Variants in USP19 observed in about 807,000 individuals in gnomAD.
The protein encoded by USP19 is ubiquitin specific peptidase 19.
Under a neutral mutation model 144.8 loss-of-function variants are expected in USP19, and 40 were observed. The ratio of observed to expected loss-of-function variants is 0.28; its 90% confidence interval spans 0.21 to 0.36. The LOEUF (loss-of-function observed/expected upper bound fraction) is 0.36, where lower values mean the gene tolerates loss of function less well. Ranked by LOEUF, USP19 falls within the 10% of genes least tolerant of loss-of-function variation. USP19 has a pLI of 1.00. For missense variants in USP19, 1,518 were observed against 1,822.5 expected, an observed-to-expected ratio of 0.83 and a Z score of 3.04; for synonymous variants, 701 against 709.3, an observed-to-expected ratio of 0.99 and a Z score of 0.19.
chr3:49,111,717 G>A lies in USP19; in HGVS notation c.3000C>T (p.Ser1000=). 1 of 1,584,614 alleles carries A rather than the reference G, an allele frequency of 6.3e-7. No individual in the cohort carries two copies. ...PGCTTLLSTG[S]LEAGDSERDP... is the part of the protein sequence containing the mutation. ...CTCTCTCGCTGTCCCCAGCCTCCAG[G>A]GAACCTGTGGAGAGCAGTGTGGTGC... is the stretch of plus-strand genomic sequence containing the variant. Residue 1000 remains serine, a synonymous_variant, in exon 21 of 27, where the codon TCC becomes TCT. Coordinates refer to ENST00000417901, the MANE Select transcript of USP19 (RefSeq NM_001199161.2). This position sits in a 1 kb window ranked among gnomAD's most constrained non-coding sequence, Gnocchi z 5.9.
At position 49,116,369 on chromosome 3, in the gene USP19, G is replaced by A. The variant is rs1283776837; in HGVS notation, c.1284-18C>T. ...TTCCATCCCTGCAGAGGCACAGCAG[G>A]ATAGGAGGAAGGACAAGAGGAAGAG... On this transcript the variant is annotated intron_variant, in intron 8 of 26. Transcript: ENST00000417901. This position sits in a 1 kb window ranked among gnomAD's most constrained non-coding sequence, Gnocchi z 5.0. 1.9e-6 allele frequency: 3 copies of A among 1,614,112 alleles called. No individual in the cohort carries two copies. Among genetic ancestry groups the A allele is most frequent in the East Asian group, 2.2e-5 (1 of 44,880 alleles).
chr3:49,108,680 T>C lies in USP19; in HGVS notation c.4039-152A>G. 7.7e-7 allele frequency: 1 copy of C among 1,306,664 alleles called. No individual in the cohort carries two copies. The highest frequency in any genetic ancestry group is 9.7e-7 in the Non-Finnish European group (1 of 1,028,830). 80.9% of individuals were successfully genotyped at this position (1,306,664 alleles called of 1,614,324 possible). A position where few individuals can be genotyped will look rare whatever the true frequency, so the allele number is the denominator to read the frequency against. On this transcript the variant is annotated intron_variant, in intron 26 of 26. Coordinates refer to ENST00000417901, the MANE Select transcript of USP19 (RefSeq NM_001199161.2). The surrounding 1 kb of genome is among the most constrained non-coding windows in gnomAD (Gnocchi z 4.8). Reference sequence around the variant, plus strand: ...TGAGACAGAGAGACGAGATTGGGCCTGAATAGTCTGGTTTTATTAACACTT... The same window carrying C: ...TGAGACAGAGAGACGAGATTGGGCCCGAATAGTCTGGTTTTATTAACACTT...
chr3:49,119,672 G>A (rs1399603617), intron 1 of USP19, among the ~76,000 whole-genome samples: 1 of 152,208 alleles, frequency 6.6e-6, no homozygotes, highest in African/African-American at 2.4e-5. Flanking sequence ...CACCACTGGA[G>A]AAATAGAAGG....
In USP19 at chr3:49,111,844, C is replaced by G. The variant is rs761567667; in HGVS notation, c.2904-31G>C. 6.3e-7 allele frequency: 1 copy of G among 1,593,236 alleles called. No individual in the cohort carries two copies. Among genetic ancestry groups the G allele is most frequent in the Non-Finnish European group, 8.6e-7 (1 of 1,168,384 alleles). ...AACAGAGAACAACGCAAGTAAGACT[C>G]CTGACCAGCCCATCTAGCACCTCTG... On this transcript the variant is annotated intron_variant, in intron 20 of 26. Transcript: ENST00000417901. This position sits in a 1 kb window ranked among gnomAD's most constrained non-coding sequence, Gnocchi z 5.9.
In USP19 at chr3:49,111,051, A is replaced by T; in HGVS notation, c.3444T>A (p.Asp1148Glu). Reference protein sequence around the residue: ...VASKELECAEDPGSAGEAARA... With the variant: ...VASKELECAEEPGSAGEAARA... ...GGGCAGCCTCACCGGCAGAGCCTGG[A>T]TCCTCAGCACATTCCAGCTCCTTGG... is the stretch of plus-strand genomic sequence containing the variant. The change falls in exon 23 of 27, where the codon GAT becomes GAA. Residue 1148 changes from aspartate to glutamate, a missense_variant. Asp to Glu is a conservative substitution (Grantham distance 45). Transcript: ENST00000417901. This position sits in a 1 kb window ranked among gnomAD's most constrained non-coding sequence, Gnocchi z 5.9. 1 of 1,614,046 alleles carries T rather than the reference A, an allele frequency of 6.2e-7. No homozygotes were observed. The highest frequency in any genetic ancestry group is 1.7e-5 in the Admixed American group (1 of 60,028).
At chr3:49,113,882 C>G (rs2043618353) in intron 17 of USP19, 110 bp downstream of exon 17, 2 of 1,197,496 alleles carry the variant, frequency 1.7e-6, no homozygotes, top group African/African-American at 3.0e-5. Context: ...GCATGAGCCA[C>G]TGTGCCCAGC....
In USP19 at chr3:49,116,326, G is replaced by C; in HGVS notation, c.1309C>G (p.Pro437Ala). Residue 437 changes from proline to alanine, a missense_variant, in exon 9 of 27, where the codon CCG becomes GCG. Transcript: ENST00000417901. The surrounding 1 kb of genome is among the most constrained non-coding windows in gnomAD (Gnocchi z 5.0). The stretch of plus-strand genomic sequence containing the variant: ...AAGGTGGTGTGGGGCCCACAGCCCG[G>C]GTGCAGCCTCAGGAAGTTTCCATCC... ...TRDGNFLRLH[P>A]GCGPHTTFRW... is the part of the protein sequence containing the mutation. 6.2e-7 allele frequency: 1 copy of C among 1,614,032 alleles called. No individual in the cohort carries two copies. Among genetic ancestry groups the C allele is most frequent in the Non-Finnish European group, 8.5e-7 (1 of 1,180,024 alleles).
chr3:49,112,138 T>G lies in USP19; in HGVS notation c.2766-90A>C. ...CTAGTCATAGTCCCTGGGAACTGGG[T>G]ACGCCAGCCCTGCCTCCCCCAGAGC... On this transcript the variant is annotated intron_variant, in intron 19 of 26. Coordinates refer to ENST00000417901, the MANE Select transcript of USP19 (RefSeq NM_001199161.2). The surrounding 1 kb of genome is among the most constrained non-coding windows in gnomAD (Gnocchi z 4.9). 6.4e-7 allele frequency: 1 copy of G among 1,561,790 alleles called. No homozygotes were observed. The highest frequency in any genetic ancestry group is 1.2e-5 in the South Asian group (1 of 84,194).
At position 49,111,622 on chromosome 3, in the gene USP19, A is replaced by G; in HGVS notation, c.3095T>C (p.Val1032Ala). Residue 1032 changes from valine to alanine, a missense_variant, in exon 21 of 27, where the codon GTG (valine) becomes GCG (alanine). Val to Ala is a moderately conservative substitution (Grantham distance 64, BLOSUM62 0). Around this residue, in one of 5 missense-constraint regions of USP19, gnomAD observed 413 missense variants for 515.8 expected, o/e 0.80. Transcript: ENST00000417901. This position sits in a 1 kb window ranked among gnomAD's most constrained non-coding sequence, Gnocchi z 5.9. Reference sequence around the variant, plus strand: ...AGGACCCCGGTCAGGGGCTGCCCACACCCGGGGAAGCCCTGTGTCCCCCTC... The same window carrying G: ...AGGACCCCGGTCAGGGGCTGCCCACGCCCGGGGAAGCCCTGTGTCCCCCTC... ...MAEGDTGLPR[V>A]WAAPDRGPVP... The G allele has an allele frequency of 6.2e-7, 1 of 1,609,196 alleles. No individual in the cohort carries two copies. Among genetic ancestry groups the G allele is most frequent in the South Asian group, 1.1e-5 (1 of 90,572 alleles).
chr3:49,111,025 C>A lies in USP19; in HGVS notation c.3470G>T (p.Arg1157Leu). ...EDPGSAGEAA[R>L]AGHFTLDQCL... ...CTGGTCCAGGGTGAAGTGGCCGGCC[C>A]GGGCAGCCTCACCGGCAGAGCCTGG... Residue 1157 changes from arginine to leucine, a missense_variant, in exon 23 of 27, where the codon CGG becomes CTG. Transcript: ENST00000417901. This position sits in a 1 kb window ranked among gnomAD's most constrained non-coding sequence, Gnocchi z 5.9. 6.2e-7 allele frequency: 1 copy of A among 1,613,972 alleles called. No individual in the cohort carries two copies. Among genetic ancestry groups the A allele is most frequent in the South Asian group, 1.1e-5 (1 of 91,086 alleles).
At chr3:49,109,218 G>C in intron 26 of USP19, 1 of 1,452,876 alleles carries the variant, frequency 6.9e-7, no homozygotes, top group Non-Finnish European at 9.1e-7. Flanking sequence ...TCAGCACCCC[G>C]GGGGTGGGGA....
At position 49,110,592 on chromosome 3, in the gene USP19, C is replaced by G. The variant is rs988432151; in HGVS notation, c.3711G>C (p.Leu1237=). Reference sequence around the variant, plus strand: ...CTTTCTGACCAATGCAGAACTTGCTCAGGTCCAGGTTCCTGCAGGTCAGGT... The same window carrying G: ...CTTTCTGACCAATGCAGAACTTGCTGAGGTCCAGGTTCCTGCAGGTCAGGT... ...LVEFPVRNLD[L]SKFCIGQKEE... is the part of the protein sequence containing the mutation. The change falls in exon 25 of 27, where the codon CTG becomes CTC. Residue 1237 remains leucine, a synonymous_variant. Coordinates refer to ENST00000417901, the MANE Select transcript of USP19 (RefSeq NM_001199161.2). This position sits in a 1 kb window ranked among gnomAD's most constrained non-coding sequence, Gnocchi z 6.1. 1 of 1,613,890 alleles carries G rather than the reference C, an allele frequency of 6.2e-7. No individual in the cohort carries two copies. Among genetic ancestry groups the G allele is most frequent in the Non-Finnish European group, 8.5e-7 (1 of 1,179,996 alleles).
rs1268830356 is a variant in USP19 at position 49,112,239 on chromosome 3, T to C, written c.2765+45A>G. On this transcript the variant is annotated intron_variant, in intron 19 of 26. Coordinates refer to ENST00000417901, the MANE Select transcript of USP19 (RefSeq NM_001199161.2). This position sits in a 1 kb window ranked among gnomAD's most constrained non-coding sequence, Gnocchi z 4.9. Reference sequence around the variant, plus strand: ...TGAAGGGAAGGAGCAGGGTGGCACATGGAAGGTGGAAAGAAAGGGTAGGGG... The same window carrying C: ...TGAAGGGAAGGAGCAGGGTGGCACACGGAAGGTGGAAAGAAAGGGTAGGGG... 2 of 1,572,190 alleles carry C rather than the reference T, an allele frequency of 1.3e-6. No homozygotes were observed. The highest frequency in any genetic ancestry group is 1.7e-6 in the Non-Finnish European group (2 of 1,158,882).
In USP19 at chr3:49,111,892, C is replaced by G. The variant is rs757544790; in HGVS notation, c.2903+19G>C. The G allele has an allele frequency of 2.5e-6, 4 of 1,613,402 alleles. No homozygotes were observed. The highest frequency in any genetic ancestry group is 1.3e-5 in the African/African-American group (1 of 74,936). ...CTGCCCCCACCTACACCACTCTAGT[C>G]CAACCACTGGGCACTTACCGGGCAT... On this transcript the variant is annotated intron_variant, in intron 20 of 26. Coordinates refer to ENST00000417901, the MANE Select transcript of USP19 (RefSeq NM_001199161.2). This position sits in a 1 kb window ranked among gnomAD's most constrained non-coding sequence, Gnocchi z 5.9.
Position 49,108,433 on chromosome 3 carries a change from G to T in USP19, c.4134C>A (p.Ser1378Arg). The T allele has an allele frequency of 7.2e-7, 1 of 1,389,856 alleles. No homozygotes were observed. Among genetic ancestry groups the T allele is most frequent in the Non-Finnish European group, 9.4e-7 (1 of 1,058,586 alleles). 86.1% of individuals were successfully genotyped at this position (1,389,856 alleles called of 1,614,324 possible). ...CCTGCTAATCCACCTCCTCCATGTT[G>T]CTGTAGGTGGGGGCTGGCCGATCCA... The part of the protein sequence containing the change: ...PPVDRPAPTY[S>R]NMEEVD The change falls in exon 27 of 27, where the codon AGC (serine) becomes AGA (arginine). Residue 1378 changes from serine (S) to arginine (R), a missense_variant. Ser to Arg is a moderately radical substitution (Grantham distance 110). Coordinates refer to ENST00000417901, the MANE Select transcript of USP19 (RefSeq NM_001199161.2). The surrounding 1 kb of genome is among the most constrained non-coding windows in gnomAD (Gnocchi z 4.8).
Position 49,108,590 on chromosome 3 carries a change from G to A in USP19, c.4039-62C>T. ...CCAGCATGCCGCCTGGCATCCCGGGGGTGCTGGCTTGGAGCCCTGGCACCC... is the reference window on the plus strand; with the variant it reads ...CCAGCATGCCGCCTGGCATCCCGGGAGTGCTGGCTTGGAGCCCTGGCACCC... On this transcript the variant is annotated intron_variant, in intron 26 of 26. Coordinates refer to ENST00000417901, the MANE Select transcript of USP19 (RefSeq NM_001199161.2). The surrounding 1 kb of genome is among the most constrained non-coding windows in gnomAD (Gnocchi z 4.8). 10 of 1,262,798 alleles carry A rather than the reference G, an allele frequency of 7.9e-6. No homozygotes were observed. Among genetic ancestry groups the A allele is most frequent in the Non-Finnish European group, 1.0e-5 (10 of 994,540 alleles). 78.2% of individuals were successfully genotyped at this position (1,262,798 alleles called of 1,614,324 possible).
chr3:49,117,602 T>C lies in USP19; in HGVS notation c.473-32A>G, dbSNP rs368364969. On this transcript the variant is annotated intron_variant, in intron 4 of 26. Coordinates refer to ENST00000417901, the MANE Select transcript of USP19 (RefSeq NM_001199161.2). This position sits in a 1 kb window ranked among gnomAD's most constrained non-coding sequence, Gnocchi z 4.4. ...ACAGAGCAGGGTCCATGAGGTAGGA[T>C]AGGAGATATCAGAAGATTCAAACAT... The C allele has an allele frequency of 2.7e-5, 44 of 1,613,980 alleles. No individual in the cohort carries two copies. The highest frequency in any genetic ancestry group is 1.9e-4 in the African/African-American group (14 of 75,010).
rs1380928236 is a variant in USP19 at position 49,111,084 on chromosome 3, C to T, written c.3411G>A (p.Leu1137=). Residue 1137 remains leucine, a synonymous_variant, in exon 23 of 27, where the codon TTG becomes TTA. Coordinates refer to ENST00000417901, the MANE Select transcript of USP19 (RefSeq NM_001199161.2). The surrounding 1 kb of genome is among the most constrained non-coding windows in gnomAD (Gnocchi z 5.9). Reference sequence around the variant, plus strand: ...CACATTCCAGCTCCTTGGAGGCTACCAACACAAACTCCTGCAAGCGCTCAT... The same window carrying T: ...CACATTCCAGCTCCTTGGAGGCTACTAACACAAACTCCTGCAAGCGCTCAT... ...RNNERLQEFV[L]VASKELECAE... is the part of the protein sequence containing the mutation. 3.1e-6 allele frequency: 5 copies of T among 1,613,988 alleles called. No individual in the cohort carries two copies. The highest frequency in any genetic ancestry group is 4.2e-6 in the Non-Finnish European group (5 of 1,180,020).
rs765944281 is a variant in USP19, at chr3:49,111,355, A to G, written c.3228T>C (p.Pro1076=). The G allele has an allele frequency of 6.2e-7, 1 of 1,614,140 alleles. No individual in the cohort carries two copies. The highest frequency in any genetic ancestry group is 8.5e-7 in the Non-Finnish European group (1 of 1,180,028). ...TAGCTTCACTTGGATGCTGGTACCC[A>G]GGCACAGCAGCTGTGTGAGAACATG... The part of the protein sequence containing the change: ...ERVSRPEAAV[P]GYQHPSEAMN... The change falls in exon 22 of 27, where the codon CCT becomes CCC. Residue 1076 remains proline (P), a synonymous_variant. Transcript: ENST00000417901. This position sits in a 1 kb window ranked among gnomAD's most constrained non-coding sequence, Gnocchi z 5.9.
Sources: gnomAD v4.1 joint callset for allele counts (sites outside exome capture counted in the v4.1 genomes callset) on GRCh38, gnomAD v4.1.1 for gene constraint, gnomAD v4.1.1 regional missense constraint, Gnocchi (gnomAD v3.1) non-coding constraint, MANE v1.5 for transcripts, NCBI Gene and HGNC (gene_info 2026-07-23, HGNC 2026-07-21) for gene names.